Variants in ENPP6 observed in about 807,000 individuals in gnomAD.
ENPP6 encodes the protein glycerophosphocholine cholinephosphodiesterase ENPP6.
ENPP6 carries 32 observed loss-of-function variants against 42.0 expected under a neutral mutation model. The ratio of observed to expected loss-of-function variants is 0.76; its 90% CI spans 0.58 to 1.02. The LOEUF is 1.02. ENPP6 is among the 50% of genes least tolerant of loss of function. ENPP6 has a pLI of 0.00. For synonymous variants in ENPP6, 213 were observed against 216.0 expected, an observed-to-expected ratio of 0.99 and a Z score of 0.12; for missense variants, 552 against 566.8, an observed-to-expected ratio of 0.97 and a Z score of 0.27.
At chr4:184,146,052 G>A (rs946383649) in intron 2 of ENPP6, among the ~76,000 whole-genome samples, 2 of 142,396 alleles carry the variant, frequency 1.4e-5, no homozygotes, top group African/African-American at 5.2e-5. Context: ...TAGTTTGTCT[G>A]CTGTTACTTA....
At chr4:184,107,358 A>T (rs930247136) in intron 6 of ENPP6, among the ~76,000 whole-genome samples, 2 of 152,258 alleles carry the variant, frequency 1.3e-5, no homozygotes, top group African/African-American at 4.8e-5. Flanking sequence ...CTATGGGAAT[A>T]AGAACACTTC....
At chr4:184,171,643 A>G (rs1424370497) in intron 1 of ENPP6, among the ~76,000 whole-genome samples, 1 of 152,246 alleles carries the variant, frequency 6.6e-6, no homozygotes, top group African/African-American at 2.4e-5. Context: ...GCTTTGTCTA[A>G]GCCATTTAAA....
At chr4:184,145,469 C>T (rs181661527) in intron 2 of ENPP6, among the ~76,000 whole-genome samples, 8 of 152,336 alleles carry the variant, frequency 5.3e-5, no homozygotes, top group South Asian at 2.1e-4. Context: ...TGCAAGGAGA[C>T]GTGATGAAGC....
intron 3 of ENPP6, 58 bp from the exon 4 acceptor site, chr4:184,117,958 T>C: frequency 6.3e-7 from 1 of 1,581,078 alleles, no homozygotes; most frequent in South Asian, 1.1e-5. Context: ...CTTGCTCCCT[T>C]ATCACCCCCA....
chr4:184,175,122 G>A (rs1737539335), intron 1 of ENPP6, among the ~76,000 whole-genome samples: 1 of 152,056 alleles, frequency 6.6e-6, no homozygotes, highest in South Asian at 2.1e-4. Flanking sequence ...TCCTTGCCCA[G>A]TGCCCCACCT....
chr4:184,210,753 G>T lies in ENPP6; in HGVS notation c.241+6826C>A, dbSNP rs1733096601. Among the ~76,000 whole-genome samples the T allele has an allele frequency of 2.6e-5, 4 of 151,388 alleles. No individual in the cohort carries two copies. The South Asian group carries it at 8.4e-4, about 32-fold the overall frequency. On this transcript the variant is annotated intron_variant, in intron 1 of 7. Transcript: ENST00000296741. ...CAAGCGGACCTAATAGACATCTACG[G>T]AACTCTCCACCCCAAATCAACAGAA...
intron 1 of ENPP6, among the ~76,000 whole-genome samples, chr4:184,188,400 A>G (rs6552765): frequency 0.22 from 34,011 of 152,052 alleles, 4,510 homozygotes; most frequent in African/African-American, 0.37. Flanking sequence ...CAAAGAAGGT[A>G]ATTTCTTCAC....
At chr4:184,166,815 C>A (rs1560998958) in intron 1 of ENPP6, among the ~76,000 whole-genome samples, 1 of 152,232 alleles carries the variant, frequency 6.6e-6, no homozygotes, top group African/African-American at 2.4e-5. Flanking sequence ...CGTCTTCTGG[C>A]TCGTGATAAA....
At position 184,116,956 on chromosome 4, in the gene ENPP6, A is replaced by T. The variant is rs1736324888; in HGVS notation, c.755T>A (p.Val252Glu). 1 of 1,613,952 alleles carries T rather than the reference A, an allele frequency of 6.2e-7. No individual in the cohort carries two copies. Among genetic ancestry groups the T allele is most frequent in the Non-Finnish European group, 8.5e-7 (1 of 1,180,018 alleles). The change falls in exon 5 of 8, where the codon GTG (valine) becomes GAG (glutamate). Residue 252 changes from valine (V) to glutamate (E), a missense_variant. Physicochemically the swap from Val to Glu is moderately radical, Grantham distance 121. Transcript: ENST00000296741. ...GCTGATGTACTTATTCAGCTCAATC[A>T]CTTTGTCCATCCAGAAAATGTCGGT... Reference protein sequence around the residue: ...GMTDIFWMDKVIELNKYISLN... With the variant: ...GMTDIFWMDKEIELNKYISLN...
At chr4:184,208,717 T>A (rs1270441445) in intron 1 of ENPP6, among the ~76,000 whole-genome samples, 27 of 147,274 alleles carry the variant, frequency 1.8e-4, no homozygotes, top group Admixed American at 1.7e-3. Flanking sequence ...GCAGGGAAGC[T>A]CGAACTGGGT....
intron 5 of ENPP6, among the ~76,000 whole-genome samples, chr4:184,113,274 A>G (rs1002934472): frequency 5.3e-5 from 8 of 152,260 alleles, no homozygotes; most frequent in African/African-American, 1.9e-4. Flanking sequence ...CAAGTTGCTG[A>G]AGAATACAGG....
At chr4:184,120,502 G>A (rs990491454) in intron 3 of ENPP6, among the ~76,000 whole-genome samples, 10 of 152,118 alleles carry the variant, frequency 6.6e-5, no homozygotes, top group Non-Finnish European at 8.8e-5. Flanking sequence ...GCAGTTGTCC[G>A]GCCCACTGTG....
intron 1 of ENPP6, among the ~76,000 whole-genome samples, chr4:184,157,425 C>T (rs1737179308): frequency 6.6e-6 from 1 of 151,994 alleles, no homozygotes; most frequent in African/African-American, 2.4e-5. Flanking sequence ...TTCTTTCTTT[C>T]TTTCCTTTTC....
At chr4:184,208,625 T>A (rs1733045634) in intron 1 of ENPP6, among the ~76,000 whole-genome samples, 1 of 149,080 alleles carries the variant, frequency 6.7e-6, no homozygotes, top group Non-Finnish European at 1.5e-5. Flanking sequence ...AGCACAGCGG[T>A]CTGAGATCAA....
chr4:184,092,531 T>C (rs902586794), intron 7 of ENPP6, among the ~76,000 whole-genome samples: 4 of 152,162 alleles, frequency 2.6e-5, no homozygotes, highest in African/African-American at 9.7e-5. Context: ...CCACAAGTCT[T>C]TGGAGGGATT....
intron 2 of ENPP6, among the ~76,000 whole-genome samples, chr4:184,134,262 C>T (rs951201841): frequency 6.6e-6 from 1 of 151,980 alleles, no homozygotes; most frequent in Admixed American, 6.6e-5. Flanking sequence ...TACAAGTGTG[C>T]ACCACCATGC....
chr4:184,137,567 C>T (rs944772844), intron 2 of ENPP6, among the ~76,000 whole-genome samples: 21 of 152,288 alleles, frequency 1.4e-4, no homozygotes, highest in Admixed American at 8.5e-4. Context: ...CACAGTTTTG[C>T]TCATGGTGAG....
rs1235085361 is a variant in ENPP6, at chr4:184,089,574, C to T, written c.*1603G>A. On this transcript the variant is annotated 3_prime_UTR_variant, in exon 8 of 8. Coordinates refer to ENST00000296741, the MANE Select transcript of ENPP6 (RefSeq NM_153343.4). ...CACTGCAGCCTTGACCTCCTGGGCTCAAATGATTCTCCTGCCTCAGCCTCC... is the reference window on the plus strand; with the variant it reads ...CACTGCAGCCTTGACCTCCTGGGCTTAAATGATTCTCCTGCCTCAGCCTCC... 2.0e-5 allele frequency: 3 copies of T among 152,424 alleles called. No individual in the cohort carries two copies. Among genetic ancestry groups the T allele is most frequent in the African/African-American group, 7.2e-5 (3 of 41,394 alleles). The allele number at this position is 152,424 out of a possible 1,614,324, so 9.4% of individuals were successfully genotyped here. A position where few individuals can be genotyped will look rare whatever the true frequency, so the allele number is the denominator to read the frequency against.
intron 2 of ENPP6, among the ~76,000 whole-genome samples, chr4:184,132,832 CACATATAT>C (rs1483717562): frequency 0.04 from 433 of 10,842 alleles, 1 homozygote; most frequent in Non-Finnish European, 0.18. Flanking sequence ...CACACACACA[CACATATAT>C]ATATATATAT....
Sources: gnomAD v4.1 joint callset for allele counts (sites outside exome capture counted in the v4.1 genomes callset) on GRCh38, gnomAD v4.1.1 for gene constraint, MANE v1.5 for transcripts, NCBI Gene and HGNC (gene_info 2026-07-23, HGNC 2026-07-21) for gene names.